CSMD2: variants seen among roughly 807,000 people sequenced by gnomAD.
CSMD2 encodes the protein CUB and Sushi multiple domains 2, also known as CUB and sushi domain-containing protein 2.
Under a neutral mutation model 398.5 loss-of-function variants are expected in CSMD2, and 130 were observed. The observed-to-expected ratio is 0.33, with a 90% CI of 0.28 to 0.38. The LOEUF is 0.38. Ranked by LOEUF, CSMD2 falls within the 10% of genes least tolerant of loss-of-function variation. The pLI is 1.00. For synonymous variants in CSMD2, 1,828 were observed against 1,908.5 expected (o/e 0.96, Z 1.10); for missense variants, 3,829 against 4,764.9 (o/e 0.80, Z 5.78).
chr1:34,040,942 T>C (rs1038250603), intron 2 of CSMD2, among the ~76,000 whole-genome samples: 1 of 152,030 alleles, frequency 6.6e-6, no homozygotes, highest in Admixed American at 6.6e-5. Context: ...CTGGTCAATA[T>C]AGTGAGATCC....
chr1:33,524,317 C>T (rs1654577593), intron 66 of CSMD2, among the ~76,000 whole-genome samples: 2 of 152,064 alleles, frequency 1.3e-5, no homozygotes, highest in South Asian at 2.1e-4. Context: ...GTTTGACTCC[C>T]TCCGTATCTT....
chr1:33,958,524 T>G (rs1167600769), intron 3 of CSMD2, among the ~76,000 whole-genome samples: 1 of 151,892 alleles, frequency 6.6e-6, no homozygotes, highest in Non-Finnish European at 1.5e-5. Context: ...CCCTGATGAG[T>G]TGACTTTGAG....
chr1:33,651,680 T>A (rs1643762164), intron 28 of CSMD2, among the ~76,000 whole-genome samples: 4 of 151,876 alleles, frequency 2.6e-5, no homozygotes, highest in Admixed American at 2.6e-4. Context: ...GAAAAAGCAG[T>A]CTAAGGATGG....
chr1:33,571,792 C>T, intron 50 of CSMD2, 66 bp from the exon 51 acceptor site: 1 of 1,235,682 alleles, frequency 8.1e-7, no homozygotes, highest in Non-Finnish European at 1.1e-6. Context: ...CTTGTAAGAG[C>T]CCAGATCTAG....
intron 55 of CSMD2, among the ~76,000 whole-genome samples, chr1:33,556,145 A>G (rs1374327224): frequency 3.3e-5 from 5 of 152,214 alleles, no homozygotes; most frequent in African/African-American, 1.2e-4. Context: ...CAAAAAGTTA[A>G]TATGGATAGG....
intron 2 of CSMD2, among the ~76,000 whole-genome samples, chr1:34,063,872 TAC>T (rs1404197156): frequency 6.6e-6 from 1 of 152,240 alleles, no homozygotes; most frequent in Non-Finnish European, 1.5e-5. Context: ...GGCATTTGGA[TAC>T]ATCTGAAATG....
At chr1:34,072,356 G>C (rs1423566772) in intron 2 of CSMD2, among the ~76,000 whole-genome samples, 1 of 152,168 alleles carries the variant, frequency 6.6e-6, no homozygotes, top group Admixed American at 6.5e-5. Context: ...CCACCCTGCA[G>C]ACACCAGGGT....
At chr1:33,890,478 C>T (rs1641929344) in intron 5 of CSMD2, among the ~76,000 whole-genome samples, 1 of 152,148 alleles carries the variant, frequency 6.6e-6, no homozygotes, top group Admixed American at 6.5e-5. Flanking sequence ...GATCTGCCTG[C>T]CTTGGCCTCC....
intron 21 of CSMD2, among the ~76,000 whole-genome samples, chr1:33,713,787 A>C (rs1646068984): frequency 6.6e-6 from 1 of 152,124 alleles, no homozygotes; most frequent in African/African-American, 2.4e-5. Flanking sequence ...CTCTTCTCCC[A>C]GATATCTATC....
At chr1:34,001,974 AG>A (rs1646918595) in intron 3 of CSMD2, among the ~76,000 whole-genome samples, 1 of 152,208 alleles carries the variant, frequency 6.6e-6, no homozygotes, top group South Asian at 2.1e-4. Flanking sequence ...TTAGCTTCAG[AG>A]GTATATTTGA....
chr1:34,098,733 A>G (rs1439577059), intron 1 of CSMD2, among the ~76,000 whole-genome samples: 1 of 152,178 alleles, frequency 6.6e-6, no homozygotes, highest in Non-Finnish European at 1.5e-5. Context: ...GAATTAAGTT[A>G]TCTCCTCGAA....
intron 2 of CSMD2, 56 bp from the exon 3 acceptor site, chr1:34,032,762 C>T: frequency 8.0e-7 from 1 of 1,253,994 alleles, no homozygotes; most frequent in South Asian, 1.3e-5. Flanking sequence ...ACTACACATC[C>T]ACGAAGCATT....
In CSMD2 at chr1:33,557,743, G is replaced by C. The variant is rs1348448299; in HGVS notation, c.8734C>G (p.Gln2912Glu). The C allele has an allele frequency of 5.2e-6, 8 of 1,535,790 alleles. No homozygotes were observed. Among genetic ancestry groups the C allele is most frequent in the Non-Finnish European group, 7.0e-6 (8 of 1,146,842 alleles). ...GDGTWDRPRP[Q>E]CLLVSCGHPG... Reference sequence around the variant, plus strand: ...GGTGACATCTACTTACAGAGACACTGGGGGCGGGGACGGTCCCATGTGCCA... The same window carrying C: ...GGTGACATCTACTTACAGAGACACTCGGGGCGGGGACGGTCCCATGTGCCA... The change falls in exon 55 of 71, where the codon CAG becomes GAG. Residue 2912 changes from glutamine (Q) to glutamate (E), a missense_variant. By Grantham distance (29) the Gln-to-Glu change is conservative. Coordinates refer to ENST00000373381, the MANE Select transcript of CSMD2 (RefSeq NM_001281956.2).
chr1:33,768,510 C>T (rs1207277011), intron 13 of CSMD2, among the ~76,000 whole-genome samples: 2 of 151,134 alleles, frequency 1.3e-5, no homozygotes, highest in African/African-American at 4.9e-5. Flanking sequence ...TCCCATTACC[C>T]AATTCATCCC....
chr1:33,748,694 A>G (rs1180041068), intron 13 of CSMD2, among the ~76,000 whole-genome samples: 1 of 152,228 alleles, frequency 6.6e-6, no homozygotes, highest in Non-Finnish European at 1.5e-5. Context: ...TACAAAATAA[A>G]GATATGACAG....
rs149811592 is a variant in CSMD2, at chr1:34,110,662, G to A, written c.188-21469C>T. On this transcript the variant is annotated intron_variant, in intron 1 of 70. Coordinates refer to ENST00000373381, the MANE Select transcript of CSMD2 (RefSeq NM_001281956.2). ...CACATATTCTTACTTATAAGTGGGA[G>A]CTAAGTGATAAGAACACATGGACAC... Among the ~76,000 whole-genome samples the A allele has an allele frequency of 2.5e-4, 38 of 152,206 alleles. 1 individual carries two copies. The highest frequency in any genetic ancestry group is 4.0e-4 in the Non-Finnish European group (27 of 68,004).
At chr1:34,096,049 A>G (rs866417221) in intron 1 of CSMD2, among the ~76,000 whole-genome samples, 2 of 151,894 alleles carry the variant, frequency 1.3e-5, no homozygotes, top group Non-Finnish European at 2.9e-5. Context: ...GCACATCAAA[A>G]AGATTATCCA....
intron 1 of CSMD2, among the ~76,000 whole-genome samples, chr1:34,140,426 C>T (rs1205170940): frequency 2.6e-5 from 4 of 152,140 alleles, no homozygotes; most frequent in Admixed American, 1.3e-4. Flanking sequence ...CAAGCAAGGC[C>T]TGGCAAATGT....
At chr1:33,691,656 A>T (rs1424486620) in intron 25 of CSMD2, among the ~76,000 whole-genome samples, 1 of 152,100 alleles carries the variant, frequency 6.6e-6, no homozygotes, top group Admixed American at 6.6e-5. Context: ...TACTTCCTGG[A>T]TCATTGTAAC....
Sources: allele counts gnomAD v4.1 joint callset (sites outside exome capture counted in the v4.1 genomes callset), GRCh38; gene constraint gnomAD v4.1.1; transcripts MANE v1.5; gene names NCBI Gene and HGNC (gene_info 2026-07-23, HGNC 2026-07-21).